The following ATXN7L1 variants were observed in gnomAD, a reference collection of about 807,000 sequenced individuals.
ATXN7L1 encodes the protein ataxin-7-like protein 1.
ATXN7L1 carries 15 observed loss-of-function variants against 70.8 expected under a neutral mutation model. That is an observed-to-expected ratio of 0.21 (90% CI 0.14 to 0.33). The LOEUF is 0.33. ATXN7L1 is among the 10% of genes least tolerant of loss of function. The pLI, the probability that ATXN7L1 is intolerant of heterozygous loss-of-function variation, is 1.00. For synonymous variants in ATXN7L1, 440 were observed against 445.1 expected (o/e 0.99, Z 0.14); for missense variants, 975 against 1,097.1 (o/e 0.89, Z 1.57).
rs1171185094 is a variant in ATXN7L1, at chr7:105,638,499, CTCTTTA to C, written c.1050_1055del (p.Asp350_Lys351del). ...TTTCCCTCGTGGAAGTCAGGAGATG[CTCTTTA>C]TCTTTAACTTCTTTTTCCCGGGACT... is the stretch of plus-strand genomic sequence containing the variant. On this transcript the variant is annotated inframe_deletion, in exon 7 of 12. Transcript: ENST00000419735. The C allele has an allele frequency of 3.2e-6, 5 of 1,552,326 alleles. No homozygotes were observed. In the African/African-American group the frequency reaches 4.1e-5, roughly 13 times the overall value.
chr7:105,685,072 AT>A (rs1563001590), intron 3 of ATXN7L1, among the ~76,000 whole-genome samples: 21 of 149,638 alleles, frequency 1.4e-4, no homozygotes, highest in African/African-American at 5.1e-4. Context: ...AATAATAATA[AT>A]AATAATAATA....
At chr7:105,652,419 T>C (rs1455261892) in intron 4 of ATXN7L1, among the ~76,000 whole-genome samples, 1 of 152,166 alleles carries the variant, frequency 6.6e-6, no homozygotes, top group Non-Finnish European at 1.5e-5. Flanking sequence ...GGCAATTTGA[T>C]TCTGCAGGGA....
rs552447651 is a variant in ATXN7L1, at chr7:105,636,246, T to C, written c.1202+2107A>G. Among the ~76,000 whole-genome samples the C allele has an allele frequency of 3.9e-5, 6 of 152,160 alleles. No homozygotes were observed. The South Asian group carries it at 8.3e-4, about 21-fold the overall frequency. Reference sequence around the variant, plus strand: ...CCCATCTGTACTAAAAATACAAAAATTAGCCAGGCATGGCGGCACACGCCT... The same window carrying C: ...CCCATCTGTACTAAAAATACAAAAACTAGCCAGGCATGGCGGCACACGCCT... On this transcript the variant is annotated intron_variant, in intron 7 of 11. Transcript: ENST00000419735.
intron 2 of ATXN7L1, among the ~76,000 whole-genome samples, chr7:105,857,593 C>G (rs1015234162): frequency 2.6e-5 from 4 of 152,216 alleles, no homozygotes; most frequent in African/African-American, 9.6e-5. Flanking sequence ...TCACCAGACC[C>G]AGGCTAAATA....
chr7:105,729,277 AAATG>A (rs529470626), intron 3 of ATXN7L1, among the ~76,000 whole-genome samples: 496 of 139,066 alleles, frequency 3.6e-3, no homozygotes, highest in African/African-American at 0.012. Context: ...TATCAATAAT[AAATG>A]AATGAATGAA....
intron 3 of ATXN7L1, among the ~76,000 whole-genome samples, chr7:105,733,642 C>T (rs1796941054): frequency 3.5e-5 from 5 of 143,030 alleles, no homozygotes; most frequent in Admixed American, 1.4e-4. Flanking sequence ...ACCCATCCAT[C>T]CATCCATCCA....
intron 3 of ATXN7L1, among the ~76,000 whole-genome samples, chr7:105,773,999 G>GGGGTACA (rs951477654): frequency 6.6e-6 from 1 of 152,106 alleles, no homozygotes; most frequent in African/African-American, 2.4e-5. Flanking sequence ...GGGCAGCTCT[G>GGGGTACA]GGGTACACCC....
In ATXN7L1 at chr7:105,697,304, GTACGC is replaced by G. The variant is rs1322819344; in HGVS notation, c.356-32021_356-32017del. ...CTGCAATCTCGACCATAAGAGACAG[GTACGC>G]CCCAGAGGGGCCAGTTCAGAGACCT... On this transcript the variant is annotated intron_variant, in intron 3 of 11. Transcript: ENST00000419735. Among the ~76,000 whole-genome samples the G allele has an allele frequency of 3.3e-5, 5 of 152,160 alleles. No individual in the cohort carries two copies. The East Asian group carries it at 9.6e-4, about 29-fold the overall frequency.
intron 3 of ATXN7L1, among the ~76,000 whole-genome samples, chr7:105,711,048 G>C (rs1236550824): frequency 1.3e-5 from 2 of 152,132 alleles, no homozygotes; most frequent in Non-Finnish European, 2.9e-5. Context: ...GAACAGCATG[G>C]GGGAAACCGC....
chr7:105,688,152 A>G (rs1790210081), intron 3 of ATXN7L1, among the ~76,000 whole-genome samples: 1 of 152,128 alleles, frequency 6.6e-6, no homozygotes, highest in South Asian at 2.1e-4. Context: ...ACAACCAGAT[A>G]CATTGACTTG....
At chr7:105,872,611 T>C (rs1328144953) in intron 2 of ATXN7L1, among the ~76,000 whole-genome samples, 1 of 152,066 alleles carries the variant, frequency 6.6e-6, no homozygotes, top group East Asian at 1.9e-4. Context: ...GGTATCAGAA[T>C]AGGCAACTTC....
chr7:105,864,852 G>C (rs968859908), intron 2 of ATXN7L1, among the ~76,000 whole-genome samples: 3 of 152,004 alleles, frequency 2.0e-5, no homozygotes, highest in Admixed American at 2.0e-4. Flanking sequence ...GGCCAGGCTG[G>C]TCTCGAACTC....
chr7:105,724,738 A>C (rs1365718912), intron 3 of ATXN7L1, among the ~76,000 whole-genome samples: 1 of 151,618 alleles, frequency 6.6e-6, no homozygotes, highest in Non-Finnish European at 1.5e-5. Context: ...GATTGTGGCT[A>C]TATCACTGTC....
intron 2 of ATXN7L1, among the ~76,000 whole-genome samples, chr7:105,865,941 G>A (rs1817403278): frequency 6.6e-6 from 1 of 152,140 alleles, no homozygotes; most frequent in Admixed American, 6.5e-5. Flanking sequence ...GAATCACAGA[G>A]TATTTGTCCT....
chr7:105,787,645 GA>G (rs1166658644), intron 3 of ATXN7L1, among the ~76,000 whole-genome samples: 5 of 152,174 alleles, frequency 3.3e-5, no homozygotes, highest in Non-Finnish European at 5.9e-5. Flanking sequence ...AAGAGGTGGG[GA>G]AAAGTCAGAA....
chr7:105,740,909 C>T lies in ATXN7L1; in HGVS notation c.355+47695G>A, dbSNP rs953326507. 9.9e-5 allele frequency among the ~76,000 whole-genome samples: 15 copies of T among 151,908 alleles called. No homozygotes were observed. In the East Asian group the frequency reaches 1.4e-3, roughly 14 times the overall value. ...CCTCCTGAGTAGCTGGGACTACAGG[C>T]GCCCGCCACCACGCCTGGCTAATTT... On this transcript the variant is annotated intron_variant, in intron 3 of 11. Coordinates refer to ENST00000419735, the MANE Select transcript of ATXN7L1 (RefSeq NM_020725.2).
intron 2 of ATXN7L1, among the ~76,000 whole-genome samples, chr7:105,798,586 T>G (rs1806336952): frequency 6.6e-6 from 1 of 152,264 alleles, no homozygotes; most frequent in Non-Finnish European, 1.5e-5. Context: ...CCCCTTGGCC[T>G]ATGCCTGCCT....
intron 3 of ATXN7L1, among the ~76,000 whole-genome samples, chr7:105,731,747 T>TAAAAAGAAAAGAAAAGAAAAGA (rs1563046066): frequency 6.3e-5 from 1 of 15,844 alleles, no homozygotes; most frequent in African/African-American, 9.1e-4. Flanking sequence ...TCTTACTCCT[T>TAAAAAGAAAAGAAAAGAAAAGA]AAAAAGAAAA....
intron 5 of ATXN7L1, among the ~76,000 whole-genome samples, chr7:105,641,214 C>CTTTTTTTTTTTTT (rs561100060): frequency 1.8e-4 from 4 of 21,784 alleles, no homozygotes; most frequent in Non-Finnish European, 2.6e-4. Context: ...CTCTCTCTCT[C>CTTTTTTTTTTTTT]TTTTTTTTTT....
Sources: gnomAD v4.1 joint callset for allele counts (sites outside exome capture counted in the v4.1 genomes callset) on GRCh38, gnomAD v4.1.1 for gene constraint, MANE v1.5 for transcripts, NCBI Gene and HGNC (gene_info 2026-07-23, HGNC 2026-07-21) for gene names.